The following CACNB2 variants were observed in gnomAD, a reference collection of about 807,000 sequenced individuals.
CACNB2 encodes the protein calcium voltage-gated channel auxiliary subunit beta 2, also known as voltage-dependent L-type calcium channel subunit beta-2.
A neutral mutation model predicts 73.3 loss-of-function variants in CACNB2; 42 were observed. The observed-to-expected ratio is 0.57, with a 90% CI of 0.45 to 0.74. The LOEUF is 0.74. Ranked by LOEUF, CACNB2 falls within the 30% of genes least tolerant of loss-of-function variation. The pLI, the probability that CACNB2 is intolerant of heterozygous loss-of-function variation, is 0.00. For missense variants in CACNB2, 940 were observed against 853.0 expected, an observed-to-expected ratio of 1.10 and a Z score of -1.27; for synonymous variants, 348 against 310.3, an observed-to-expected ratio of 1.12 and a Z score of -1.28.
chr10:18,313,367 C>T lies in CACNB2; in HGVS notation c.214-88557C>T, dbSNP rs12570698. Among the ~76,000 whole-genome samples the T allele has an allele frequency of 1.5e-3, 229 of 150,538 alleles. 4 individuals are homozygous for T. The East Asian group carries it at 0.036, about 24-fold the overall frequency. The stretch of plus-strand genomic sequence containing the variant: ...TGGTTAGCAGCGTCCCTGGCCCCTA[C>T]GTACTAGACGCCAGAAACACTCCTC... On this transcript the variant is annotated intron_variant, in intron 2 of 13. Transcript: ENST00000324631.
At chr10:18,393,776 C>A (rs1367863066) in intron 2 of CACNB2, among the ~76,000 whole-genome samples, 1 of 152,070 alleles carries the variant, frequency 6.6e-6, no homozygotes, top group Non-Finnish European at 1.5e-5. Flanking sequence ...ATCTACTTTC[C>A]CTTGTAGATA....
chr10:18,499,807 A>C (rs143078980), intron 4 of CACNB2, among the ~76,000 whole-genome samples: 115 of 24,696 alleles, frequency 4.7e-3, no homozygotes, highest in Non-Finnish European at 5.2e-3. Context: ...CCCATCTCTA[A>C]AAAAAAAAAA....
At chr10:18,440,948 A>C (rs931527630) in intron 3 of CACNB2, among the ~76,000 whole-genome samples, 1 of 152,226 alleles carries the variant, frequency 6.6e-6, no homozygotes, top group African/African-American at 2.4e-5. Context: ...CAAGAGTGGC[A>C]TGATTTGATA....
At chr10:18,371,637 A>C (rs562813756) in intron 2 of CACNB2, among the ~76,000 whole-genome samples, 3 of 151,798 alleles carry the variant, frequency 2.0e-5, no homozygotes, top group Non-Finnish European at 4.4e-5. Context: ...AGTCTTTGCT[A>C]TTGTGAATAG....
In CACNB2 at chr10:18,542,957, T is replaced by A. The variant is rs769172526; in HGVS notation, c.*3233T>A. 1 of 151,682 alleles carries A rather than the reference T, an allele frequency of 6.6e-6. No individual in the cohort carries two copies. Among genetic ancestry groups the A allele is most frequent in the Non-Finnish European group, 1.5e-5 (1 of 67,920 alleles). The allele number at this position is 151,682 out of a possible 1,614,324, so 9.4% of individuals were successfully genotyped here. Reference sequence around the variant, plus strand: ...TTTCTCTACTGCTCATTTAAGTTACTGTTACAAAAAGGTGCTGCTAAATGT... The same window carrying A: ...TTTCTCTACTGCTCATTTAAGTTACAGTTACAAAAAGGTGCTGCTAAATGT... On this transcript the variant is annotated 3_prime_UTR_variant, in exon 14 of 14. Transcript: ENST00000324631.
intron 3 of CACNB2, among the ~76,000 whole-genome samples, chr10:18,481,230 A>ATTTTTTT: frequency 5.6e-5 from 1 of 17,990 alleles, no homozygotes; most frequent in Non-Finnish European, 9.4e-5. Flanking sequence ...ATATATATAT[A>ATTTTTTT]TTTTTTTTTT....
At chr10:18,505,857 G>A (rs530222302) in intron 5 of CACNB2, among the ~76,000 whole-genome samples, 2 of 152,070 alleles carry the variant, frequency 1.3e-5, no homozygotes, top group African/African-American at 2.4e-5. Context: ...AATTAACCAC[G>A]TTTCATTCTC....
chr10:18,269,036 G>C (rs536094549), intron 2 of CACNB2, among the ~76,000 whole-genome samples: 67 of 152,264 alleles, frequency 4.4e-4, no homozygotes, highest in African/African-American at 1.5e-3. Flanking sequence ...GTGCTTAACT[G>C]TGGGTTAGGG....
intron 2 of CACNB2, among the ~76,000 whole-genome samples, chr10:18,334,121 A>C (rs2040910166): frequency 6.6e-6 from 1 of 152,178 alleles, no homozygotes; most frequent in South Asian, 2.1e-4. Context: ...ATCTAGTTAT[A>C]ATGTCATTTT....
intron 2 of CACNB2, among the ~76,000 whole-genome samples, chr10:18,207,679 T>C (rs2035152337): frequency 6.6e-6 from 1 of 152,220 alleles, no homozygotes; most frequent in Non-Finnish European, 1.5e-5. Flanking sequence ...TTTGACTAAT[T>C]TTTGTTCTTT....
At chr10:18,380,505 A>T (rs1332278466) in intron 2 of CACNB2, among the ~76,000 whole-genome samples, 1 of 124,420 alleles carries the variant, frequency 8.0e-6, no homozygotes, top group African/African-American at 3.2e-5. Flanking sequence ...CCCAGGCTGG[A>T]GTGCAATGGT....
intron 3 of CACNB2, among the ~76,000 whole-genome samples, chr10:18,410,909 G>A (rs1014701263): frequency 2.0e-5 from 3 of 152,106 alleles, no homozygotes; most frequent in African/African-American, 7.2e-5. Flanking sequence ...GAACCCAGGA[G>A]GCAGAGGTTG....
intron 2 of CACNB2, among the ~76,000 whole-genome samples, chr10:18,269,451 G>A (rs1018283447): frequency 3.9e-5 from 6 of 152,184 alleles, no homozygotes; most frequent in African/African-American, 1.4e-4. Context: ...TCCTTCAGGT[G>A]GTCATGAGTC....
intron 3 of CACNB2, among the ~76,000 whole-genome samples, chr10:18,415,911 C>T (rs368064487): frequency 3.9e-5 from 6 of 152,000 alleles, no homozygotes; most frequent in East Asian, 1.9e-4. Context: ...TGCCTCAGCC[C>T]CAGACAACTA....
rs11014345 is a variant in CACNB2 at position 18,463,485 on chromosome 10, C to T, written c.334-34870C>T. ...GCAATGGCACAAGCATAGCTCACTG[C>T]GGCTTCACAGCTTCAACCTCCCAGG... is the stretch of plus-strand genomic sequence containing the variant. On this transcript the variant is annotated intron_variant, in intron 3 of 13. Transcript: ENST00000324631. 1.1e-3 allele frequency among the ~76,000 whole-genome samples: 164 copies of T among 152,238 alleles called. 4 individuals are homozygous for T. The East Asian group carries it at 0.028, about 26-fold the overall frequency.
intron 2 of CACNB2, among the ~76,000 whole-genome samples, chr10:18,166,158 A>G (rs148346721): frequency 5.9e-5 from 9 of 152,366 alleles, no homozygotes; most frequent in Admixed American, 4.6e-4. Flanking sequence ...TATTAAGGTC[A>G]TAAGTATTTC....
chr10:18,266,061 T>C (rs963232492), intron 2 of CACNB2, among the ~76,000 whole-genome samples: 1 of 152,250 alleles, frequency 6.6e-6, no homozygotes. Context: ...TTTGTATATA[T>C]ACCGTAACTT....
At chr10:18,393,240 T>G (rs1296311290) in intron 2 of CACNB2, among the ~76,000 whole-genome samples, 1 of 151,608 alleles carries the variant, frequency 6.6e-6, no homozygotes, top group Non-Finnish European at 1.5e-5. Flanking sequence ...TCAGTAGATA[T>G]ATATTAAAGG....
At chr10:18,315,249 G>T (rs917699608) in intron 2 of CACNB2, among the ~76,000 whole-genome samples, 4 of 152,138 alleles carry the variant, frequency 2.6e-5, no homozygotes, top group African/African-American at 9.6e-5. Context: ...CAGGAGAATT[G>T]CTCAAACTTG....
Sources: gnomAD v4.1 joint callset for allele counts (sites outside exome capture counted in the v4.1 genomes callset) on GRCh38, gnomAD v4.1.1 for gene constraint, MANE v1.5 for transcripts, NCBI Gene and HGNC (gene_info 2026-07-23, HGNC 2026-07-21) for gene names.